The following ELFN1 variants were observed in gnomAD, a reference collection of about 807,000 sequenced individuals.
ELFN1 encodes the protein protein ELFN1.
In ELFN1, 6 loss-of-function variants were observed where a neutral mutation model predicts 7.6. The observed-to-expected ratio is 0.79, with a 90% CI of 0.43 to 1.56. The LOEUF (loss-of-function observed/expected upper bound fraction) is 1.56, where lower values mean the gene tolerates loss of function less well. Ranked by LOEUF, ELFN1 falls within the 40% of genes most tolerant of loss-of-function variation. ELFN1 has a pLI of 0.01. For synonymous variants in ELFN1, 657 were observed against 588.1 expected, an observed-to-expected ratio of 1.12 and a Z score of -1.70; for missense variants, 1,169 against 1,232.2, an observed-to-expected ratio of 0.95 and a Z score of 0.77.
At chr7:1,677,247 T>C (rs1778888764) in intron 1 of ELFN1, among the ~76,000 whole-genome samples, 1 of 152,168 alleles carries the variant, frequency 6.6e-6, no homozygotes, top group African/African-American at 2.4e-5. Context: ...GCTGTGTTCT[T>C]GGGGAGATGA....
intron 2 of ELFN1, among the ~76,000 whole-genome samples, chr7:1,698,304 A>G (rs1371180569): frequency 1.3e-5 from 2 of 152,234 alleles, no homozygotes; most frequent in Admixed American, 1.3e-4. Flanking sequence ...CCTTCGGAAT[A>G]TTCCTGCCTC....
chr7:1,731,009 C>G (rs1780313950), intron 3 of ELFN1, among the ~76,000 whole-genome samples: 1 of 152,274 alleles, frequency 6.6e-6, no homozygotes, highest in Middle Eastern at 3.4e-3. Context: ...TTTCTCTGAA[C>G]TAACAACAGC....
intron 2 of ELFN1, among the ~76,000 whole-genome samples, chr7:1,706,636 C>A (rs1779536085): frequency 6.6e-6 from 1 of 152,194 alleles, no homozygotes; most frequent in African/African-American, 2.4e-5. Flanking sequence ...CTGATCGATG[C>A]TGGCTGTTCA....
chr7:1,671,025 T>A (rs1778755665), intron 1 of ELFN1, among the ~76,000 whole-genome samples: 1 of 152,158 alleles, frequency 6.6e-6, no homozygotes, highest in Non-Finnish European at 1.5e-5. Flanking sequence ...CTCGTCCCTC[T>A]GGGGGCTGGG....
chr7:1,684,159 A>G (rs987715278), intron 1 of ELFN1, among the ~76,000 whole-genome samples: 1 of 151,544 alleles, frequency 6.6e-6, no homozygotes, highest in Non-Finnish European at 1.5e-5. Context: ...CCCCAAAAAA[A>G]TTTTTTACCT....
chr7:1,702,896 G>C (rs1779457864), intron 2 of ELFN1, among the ~76,000 whole-genome samples: 2 of 150,530 alleles, frequency 1.3e-5, no homozygotes, highest in African/African-American at 2.5e-5. Context: ...TGTTGCTCTT[G>C]ATTGCAAAAA....
intron 3 of ELFN1, among the ~76,000 whole-genome samples, chr7:1,710,541 G>T (rs1445070128): frequency 1.3e-5 from 2 of 152,218 alleles, no homozygotes; most frequent in African/African-American, 4.8e-5. Context: ...ACAGCTTGTA[G>T]CATCTCCAAT....
chr7:1,726,883 G>C (rs557120893), intron 3 of ELFN1, among the ~76,000 whole-genome samples: 2 of 152,334 alleles, frequency 1.3e-5, no homozygotes, highest in East Asian at 3.9e-4. Context: ...GCTGAGACAG[G>C]AGCCGGGCTG....
intron 2 of ELFN1, among the ~76,000 whole-genome samples, chr7:1,703,633 G>A (rs1470402557): frequency 6.6e-6 from 1 of 152,138 alleles, no homozygotes; most frequent in African/African-American, 2.4e-5. Context: ...AAGTCTCTGG[G>A]CTCAGCTTCC....
intron 1 of ELFN1, among the ~76,000 whole-genome samples, chr7:1,687,084 C>T (rs1169209966): frequency 6.6e-6 from 1 of 151,972 alleles, no homozygotes; most frequent in African/African-American, 2.4e-5. Flanking sequence ...TTTGCCTTGC[C>T]CTGCCCTGCC....
chr7:1,703,870 G>A (rs1409569844), intron 2 of ELFN1, among the ~76,000 whole-genome samples: 9 of 152,184 alleles, frequency 5.9e-5, no homozygotes, highest in East Asian at 3.8e-4. Context: ...TGTGAAATGC[G>A]GGTACTGATG....
rs1341911812 is a variant in ELFN1 at position 1,670,919 on chromosome 7, C to G, written c.-549+565C>G. On this transcript the variant is annotated intron_variant, in intron 1 of 3. Coordinates refer to ENST00000424383, the MANE Select transcript of ELFN1 (RefSeq NM_001128636.4). This position sits in a 1 kb window ranked among gnomAD's most constrained non-coding sequence, Gnocchi z 6.4. Reference sequence around the variant, plus strand: ...ATTCCTCGGTCCCAGCCCCTGAGTCCAACCACTGGCGGGGGGGTGGGGTGG... The same window carrying G: ...ATTCCTCGGTCCCAGCCCCTGAGTCGAACCACTGGCGGGGGGGTGGGGTGG... 6.8e-6 allele frequency among the ~76,000 whole-genome samples: 1 copy of G among 147,002 alleles called. No individual in the cohort carries two copies. The highest frequency in any genetic ancestry group is 1.5e-5 in the Non-Finnish European group (1 of 66,358).
intron 3 of ELFN1, among the ~76,000 whole-genome samples, chr7:1,717,608 G>A (rs1345464877): frequency 6.6e-6 from 1 of 152,224 alleles, no homozygotes; most frequent in East Asian, 1.9e-4. Context: ...CCTTCCCAGA[G>A]AGGAACGGTG....
At chr7:1,736,816 T>A (rs150898494) in intron 3 of ELFN1, among the ~76,000 whole-genome samples, 7 of 152,300 alleles carry the variant, frequency 4.6e-5, no homozygotes, top group African/African-American at 1.4e-4. Context: ...CCTCTCCTGC[T>A]GTGGCCAGCT....
At chr7:1,678,953 G>A (rs1011087770) in intron 1 of ELFN1, among the ~76,000 whole-genome samples, 2 of 152,176 alleles carry the variant, frequency 1.3e-5, no homozygotes, top group Non-Finnish European at 2.9e-5. Context: ...GTGCTCCCAG[G>A]AGTGCTCACC....
chr7:1,676,679 G>A (rs1778877154), intron 1 of ELFN1, among the ~76,000 whole-genome samples: 1 of 152,224 alleles, frequency 6.6e-6, no homozygotes, highest in Non-Finnish European at 1.5e-5. Context: ...AGACAGGGAA[G>A]GAGGATGCTG....
chr7:1,717,626 G>T (rs1779874701), intron 3 of ELFN1, among the ~76,000 whole-genome samples: 1 of 152,350 alleles, frequency 6.6e-6, no homozygotes, highest in Middle Eastern at 3.4e-3. Flanking sequence ...GTGCATGCAT[G>T]CAGACCTCAG....
rs564155850 is a variant in ELFN1 at position 1,673,813 on chromosome 7, G to A, written c.-549+3459G>A. ...CCATTTTCCAGAAGGGTCCAGCATC[G>A]CCCGAGGTCACACAGCAAGTAAGCT... On this transcript the variant is annotated intron_variant, in intron 1 of 3. Transcript: ENST00000424383. This position sits in a 1 kb window ranked among gnomAD's most constrained non-coding sequence, Gnocchi z 4.7. Among the ~76,000 whole-genome samples, 12 of 152,326 alleles carry A rather than the reference G, an allele frequency of 7.9e-5. No homozygotes were observed. The highest frequency in any genetic ancestry group is 6.2e-4 in the South Asian group (3 of 4,822).
At chr7:1,669,817 T>C, upstream of ELFN1, among the ~76,000 whole-genome samples, 1 of 151,880 alleles carries the variant, frequency 6.6e-6, no homozygotes, top group Non-Finnish European at 1.5e-5. Context: ...CTTGAGGTGG[T>C]GGGAGTCGCG....
Sources: gnomAD v4.1 joint callset for allele counts (sites outside exome capture counted in the v4.1 genomes callset) on GRCh38, gnomAD v4.1.1 for gene constraint, Gnocchi (gnomAD v3.1) non-coding constraint, MANE v1.5 for transcripts, NCBI Gene and HGNC (gene_info 2026-07-23, HGNC 2026-07-21) for gene names.